Variants in CCNY observed in about 807,000 individuals in gnomAD.
CCNY encodes the protein cyclin Y, also known as cyclin-Y.
Under a neutral mutation model 42.8 loss-of-function variants are expected in CCNY, and 19 were observed. The ratio of observed to expected loss-of-function variants is 0.44; its 90% CI spans 0.31 to 0.65. The LOEUF (loss-of-function observed/expected upper bound fraction) is 0.65. Ranked by LOEUF, CCNY falls within the 30% of genes least tolerant of loss-of-function variation. The pLI is 0.07. For missense variants in CCNY, 370 were observed against 437.3 expected, an observed-to-expected ratio of 0.85 and a Z score of 1.37; for synonymous variants, 165 against 162.7, an observed-to-expected ratio of 1.01 and a Z score of -0.11.
intron 2 of CCNY, among the ~76,000 whole-genome samples, chr10:35,494,225 C>G (rs891244335): frequency 3.1e-5 from 3 of 96,196 alleles, no homozygotes; most frequent in African/African-American, 7.0e-5. Flanking sequence ...GCCTGGACAG[C>G]ATAGTGAGAC....
At chr10:35,466,575 GGGAACA>G (rs1839274409) in intron 1 of CCNY, among the ~76,000 whole-genome samples, 1 of 152,152 alleles carries the variant, frequency 6.6e-6, no homozygotes, top group Non-Finnish European at 1.5e-5. Context: ...TCACACAGAA[GGGAACA>G]GGCACTAGCA....
At chr10:35,293,415 T>C (rs898193445) in intron 3 of CCNY, among the ~76,000 whole-genome samples, 3 of 152,190 alleles carry the variant, frequency 2.0e-5, no homozygotes, top group Admixed American at 2.0e-4. Context: ...AATTTTGTTC[T>C]TGTTTTTCCA....
intron 1 of CCNY, among the ~76,000 whole-genome samples, chr10:35,426,099 G>T (rs1838259511): frequency 7.6e-6 from 1 of 131,442 alleles, no homozygotes; most frequent in African/African-American, 2.9e-5. Flanking sequence ...TCCCTTCACT[G>T]GTCCAGCACG....
intron 1 of CCNY, among the ~76,000 whole-genome samples, chr10:35,351,256 AAATG>A (rs1319833306): frequency 8.0e-4 from 122 of 152,372 alleles, no homozygotes; most frequent in African/African-American, 2.8e-3. Context: ...GGAGTTGTGA[AAATG>A]AACCTCTTCT....
At chr10:35,393,792 T>TA (rs1307075368) in intron 1 of CCNY, among the ~76,000 whole-genome samples, 1 of 152,122 alleles carries the variant, frequency 6.6e-6, no homozygotes, top group African/African-American at 2.4e-5. Flanking sequence ...TGTGGACTGT[T>TA]AAAGCAGTGT....
chr10:35,343,546 C>T (rs1254664618), intron 1 of CCNY, among the ~76,000 whole-genome samples: 2 of 151,870 alleles, frequency 1.3e-5, no homozygotes, highest in South Asian at 2.1e-4. Flanking sequence ...CGTGCCACCA[C>T]GTCCGGCTAA....
Position 35,399,176 on chromosome 10 carries a change from A to G in CCNY, c.154+61969A>G, listed in dbSNP as rs191064940. Among the ~76,000 whole-genome samples the G allele has an allele frequency of 3.5e-3, 532 of 152,290 alleles. 5 individuals carry two copies. The highest frequency in any genetic ancestry group is 0.013 in the African/African-American group (521 of 41,558). Reference sequence around the variant, plus strand: ...CCTGCTTTTTAACCATGTGTGCTTGACGGTAAGACAACTAAGGGCACTTTG... The same window carrying G: ...CCTGCTTTTTAACCATGTGTGCTTGGCGGTAAGACAACTAAGGGCACTTTG... On this transcript the variant is annotated intron_variant, in intron 1 of 9. Transcript: ENST00000374704.
At chr10:35,498,133 G>A (rs908660293) in intron 2 of CCNY, among the ~76,000 whole-genome samples, 10 of 152,128 alleles carry the variant, frequency 6.6e-5, no homozygotes, top group South Asian at 4.1e-4. Context: ...ATTCACAAAT[G>A]AGTTGTGAAA....
At chr10:35,435,621 C>T (rs933625656) in intron 1 of CCNY, among the ~76,000 whole-genome samples, 5 of 152,160 alleles carry the variant, frequency 3.3e-5, no homozygotes, top group Admixed American at 6.5e-5. Context: ...GTCAAGCTGC[C>T]GTTACAGCTC....
At position 35,303,204 on chromosome 10, in the gene CCNY, G is replaced by A. The variant is rs1430046479; in HGVS notation, c.-9+52578G>A. 3.3e-5 allele frequency among the ~76,000 whole-genome samples: 5 copies of A among 151,642 alleles called. 1 individual carries two copies. The highest frequency in any genetic ancestry group is 1.2e-4 in the African/African-American group (5 of 41,322). ...ATCCTGTTTCTTTTTTTTTGAGACT[G>A]AGTTTCACTCTTGTTGCCCAGGCTG... is the stretch of plus-strand genomic sequence containing the variant. On this transcript the variant is annotated intron_variant, in intron 3 of 11. Transcript: ENST00000374706.
intron 3 of CCNY, among the ~76,000 whole-genome samples, chr10:35,295,344 G>A (rs1378111557): frequency 2.0e-5 from 3 of 151,562 alleles, no homozygotes; most frequent in Non-Finnish European, 4.4e-5. Context: ...CGATTCTCCT[G>A]CCTCAGCCTC....
chr10:35,266,071 T>C (rs183742527), intron 3 of CCNY, among the ~76,000 whole-genome samples: 3 of 152,156 alleles, frequency 2.0e-5, no homozygotes, highest in Admixed American at 1.3e-4. Flanking sequence ...AACTTCTCTT[T>C]TTTTATTTAC....
At chr10:35,279,739 CTGTCA>C (rs1190839593) in intron 3 of CCNY, among the ~76,000 whole-genome samples, 2 of 152,238 alleles carry the variant, frequency 1.3e-5, no homozygotes, top group Non-Finnish European at 2.9e-5. Context: ...CCCTTCAGGA[CTGTCA>C]TGCACTGACT....
chr10:35,470,898 T>C (rs1839378820), intron 1 of CCNY, among the ~76,000 whole-genome samples: 1 of 152,228 alleles, frequency 6.6e-6, no homozygotes. Context: ...CAGGCTTTGT[T>C]GATTTCATAA....
chr10:35,507,283 ATATG>A (rs1840234352), intron 3 of CCNY, among the ~76,000 whole-genome samples: 1 of 152,194 alleles, frequency 6.6e-6, no homozygotes. Context: ...GTGTGTATAT[ATATG>A]TGTGTGTACA....
chr10:35,486,131 A>G (rs1839783720), intron 2 of CCNY, among the ~76,000 whole-genome samples: 1 of 152,070 alleles, frequency 6.6e-6, no homozygotes, highest in Non-Finnish European at 1.5e-5. Flanking sequence ...AACTTTCTGC[A>G]TTTTCTACCC....
At chr10:35,525,119 A>T (rs1840626162) in intron 4 of CCNY, among the ~76,000 whole-genome samples, 1 of 152,216 alleles carries the variant, frequency 6.6e-6, no homozygotes, top group African/African-American at 2.4e-5. Flanking sequence ...ATTATTCGAC[A>T]ATCATATGAA....
At chr10:35,562,257 T>C (rs1347834723) in intron 8 of CCNY, among the ~76,000 whole-genome samples, 1 of 152,212 alleles carries the variant, frequency 6.6e-6, no homozygotes, top group Non-Finnish European at 1.5e-5. Flanking sequence ...AGAACTTCAG[T>C]TCCTCTGTAG....
At chr10:35,353,944 G>A (rs772604823) in intron 1 of CCNY, among the ~76,000 whole-genome samples, 2 of 152,154 alleles carry the variant, frequency 1.3e-5, no homozygotes, top group Non-Finnish European at 2.9e-5. Flanking sequence ...TGTCTCCTGG[G>A]ATTACAGCTG....
Sources: gnomAD v4.1 joint callset for allele counts (sites outside exome capture counted in the v4.1 genomes callset) on GRCh38, gnomAD v4.1.1 for gene constraint, MANE v1.5 for transcripts, NCBI Gene and HGNC (gene_info 2026-07-23, HGNC 2026-07-21) for gene names.